The following SPAG1 variants were observed in gnomAD, a reference collection of about 807,000 sequenced individuals.
SPAG1 encodes the protein sperm associated antigen 1, also known as sperm-associated antigen 1.
A neutral mutation model predicts 100.5 loss-of-function variants in SPAG1; 69 were observed. The observed-to-expected ratio is 0.69, with a 90% CI of 0.57 to 0.84. The LOEUF is 0.84. Among genes scored for constraint, SPAG1 ranks in the 40% least tolerant of loss-of-function variants. SPAG1 has a pLI of 0.00. For synonymous variants in SPAG1, 336 were observed against 411.6 expected (o/e 0.82, Z 2.22); for missense variants, 955 against 1,133.1 (o/e 0.84, Z 2.26).
In SPAG1 at chr8:100,213,098, G is replaced by A. The variant is rs1180507896; in HGVS notation, c.1105G>A (p.Glu369Lys). ...EDGGGDKKPA[E>K]PAGAARAAQP... The stretch of plus-strand genomic sequence containing the variant: ...CATCCACTTCCTCACAGAGCCCGCG[G>A]AGCCGGCGGGAGCCGCGCGCGCCGC... Residue 369 changes from glutamate to lysine, a missense_variant, in exon 11 of 19, where the codon GAG becomes AAG. By Grantham distance (56) the Glu-to-Lys change is moderately conservative. Transcript: ENST00000388798. The A allele has an allele frequency of 1.4e-6, 2 of 1,474,716 alleles. No homozygotes were observed. Among genetic ancestry groups the A allele is most frequent in the East Asian group, 3.0e-5 (1 of 33,342 alleles). The allele number at this position is 1,474,716 out of a possible 1,614,324, so 91.4% of individuals were successfully genotyped here.
chr8:100,183,572 GA>G, intron 5 of SPAG1, 136 bp downstream of exon 5: 1 of 489,808 alleles, frequency 2.0e-6, no homozygotes, highest in East Asian at 3.5e-5. Flanking sequence ...AGAGTACTGA[GA>G]ATATCTGGCC....
At chr8:100,176,813 C>CCTCTCCT (rs1563775337) in intron 3 of SPAG1, among the ~76,000 whole-genome samples, 1 of 98,690 alleles carries the variant, frequency 1.0e-5, no homozygotes, top group East Asian at 2.5e-4. Flanking sequence ...ATTTCCCTCT[C>CCTCTCCT]CTCTCCTCTC....
chr8:100,228,149 C>A (rs906961838), intron 14 of SPAG1, among the ~76,000 whole-genome samples: 6 of 151,986 alleles, frequency 3.9e-5, no homozygotes, highest in African/African-American at 1.5e-4. Context: ...TATGTGAGAT[C>A]TTTTGAAACA....
At chr8:100,193,197 C>A (rs1471506762) in intron 9 of SPAG1, among the ~76,000 whole-genome samples, 3 of 152,198 alleles carry the variant, frequency 2.0e-5, no homozygotes, top group Non-Finnish European at 4.4e-5. Context: ...CGGTGGCTCA[C>A]ACCTGTAATC....
At position 100,165,978 on chromosome 8, in the gene SPAG1, A is replaced by T; in HGVS notation, c.300+5A>T. 1.3e-6 allele frequency: 2 copies of T among 1,599,748 alleles called. No individual in the cohort carries two copies. Among genetic ancestry groups the T allele is most frequent in the East Asian group, 2.2e-5 (1 of 44,708 alleles). ...AAAATTGATGGTGATATAAAGGTAT[A>T]TAGTAATACCAATTTTCCATAGATA... On this transcript the variant is annotated splice_donor_5th_base_variant and intron_variant, in intron 3 of 18. Transcript: ENST00000388798.
chr8:100,210,549 T>G (rs975822786), intron 10 of SPAG1, among the ~76,000 whole-genome samples: 1 of 152,230 alleles, frequency 6.6e-6, no homozygotes, highest in African/African-American at 2.4e-5. Context: ...TGAGGCAGTA[T>G]GCGCTCCTGT....
intron 16 of SPAG1, among the ~76,000 whole-genome samples, chr8:100,236,187 T>C (rs900691847): frequency 2.0e-5 from 3 of 152,220 alleles, no homozygotes; most frequent in Non-Finnish European, 2.9e-5. Flanking sequence ...TATATTATGA[T>C]GCAGAAAAAT....
chr8:100,162,967 A>T (rs999052011), intron 2 of SPAG1, among the ~76,000 whole-genome samples: 1 of 151,476 alleles, frequency 6.6e-6, no homozygotes, highest in African/African-American at 2.4e-5. Context: ...AAAAATAAAA[A>T]ATAATAATAA....
intron 10 of SPAG1, among the ~76,000 whole-genome samples, chr8:100,212,781 G>A (rs1433092868): frequency 6.6e-6 from 1 of 152,226 alleles, no homozygotes; most frequent in Non-Finnish European, 1.5e-5. Context: ...ACTTGATGAA[G>A]GGGATGGCTC....
chr8:100,240,941 G>C lies in SPAG1; in HGVS notation c.2700G>C (p.Leu900=). 1 of 1,611,694 alleles carries C rather than the reference G, an allele frequency of 6.2e-7. No individual in the cohort carries two copies. The highest frequency in any genetic ancestry group is 8.5e-7 in the Non-Finnish European group (1 of 1,179,480). ...GCCAAAAGGAGCTAATTGAACAGCT[G>C]TTTGAGGACCTTTCGGACACACCAA... ...SKGQKELIEQ[L]FEDLSDTPNN... The change falls in exon 19 of 19, where the codon CTG becomes CTC. Residue 900 remains leucine (L), a synonymous_variant. Transcript: ENST00000388798.
chr8:100,195,957 C>T (rs1347663236), intron 10 of SPAG1, among the ~76,000 whole-genome samples: 1 of 152,276 alleles, frequency 6.6e-6, no homozygotes, highest in Admixed American at 6.5e-5. Context: ...TCCAGAATGT[C>T]CTATAAATGG....
At chr8:100,231,953 C>T (rs1350816890) in intron 15 of SPAG1, among the ~76,000 whole-genome samples, 3 of 141,196 alleles carry the variant, frequency 2.1e-5, no homozygotes, top group African/African-American at 8.7e-5. Context: ...AAGAGCAAGA[C>T]TCTGTCTCAA....
At chr8:100,168,539 GTGTACCACCAC>G (rs1815664411) in intron 3 of SPAG1, among the ~76,000 whole-genome samples, 3 of 150,510 alleles carry the variant, frequency 2.0e-5, no homozygotes, top group Admixed American at 2.0e-4. Flanking sequence ...GACCACAGGT[GTGTACCACCAC>G]ACCTGGCTAT....
At chr8:100,240,864 G>GTTTT in intron 18 of SPAG1, 27 bp from the exon 19 acceptor site, 9 of 1,388,294 alleles carry the variant, frequency 6.5e-6, no homozygotes, top group African/African-American at 1.7e-5. Context: ...TTGGTTTTTT[G>GTTTT]TTTTTTTTTT....
chr8:100,202,697 G>C (rs1362629727), intron 10 of SPAG1, among the ~76,000 whole-genome samples: 2 of 109,918 alleles, frequency 1.8e-5, no homozygotes, highest in Non-Finnish European at 3.4e-5. Flanking sequence ...GCGACAGAGC[G>C]AGACTCCGTC....
At chr8:100,224,926 A>T (rs887980709) in intron 13 of SPAG1, among the ~76,000 whole-genome samples, 4 of 152,206 alleles carry the variant, frequency 2.6e-5, no homozygotes, top group Non-Finnish European at 4.4e-5. Context: ...ATATGTTAAA[A>T]TTTTTTAACA....
In SPAG1 at chr8:100,241,240, A is replaced by G. The variant is rs1174503475; in HGVS notation, c.*218A>G. On this transcript the variant is annotated 3_prime_UTR_variant, in exon 19 of 19. Coordinates refer to ENST00000388798, the MANE Select transcript of SPAG1 (RefSeq NM_003114.5). This position sits in a 1 kb window ranked among gnomAD's most constrained non-coding sequence, Gnocchi z 5.1. The stretch of plus-strand genomic sequence containing the variant: ...TCTTATGTACCAGAACCAAATAAGT[A>G]TATTTAGAACTTGTTAAAAATACAT... 8.3e-6 allele frequency: 3 copies of G among 362,628 alleles called. No individual in the cohort carries two copies. Among genetic ancestry groups the G allele is most frequent in the African/African-American group, 6.3e-5 (3 of 47,792 alleles). The allele number at this position is 362,628 out of a possible 1,614,324, so 22.5% of individuals were successfully genotyped here.
intron 10 of SPAG1, among the ~76,000 whole-genome samples, chr8:100,198,669 T>C (rs1023323811): frequency 2.6e-5 from 4 of 152,222 alleles, no homozygotes; most frequent in African/African-American, 9.6e-5. Context: ...ATCCATCCTT[T>C]TCAAATTCAG....
chr8:100,231,086 T>G (rs1818746529), intron 14 of SPAG1, 70 bp from the exon 15 acceptor site: 3 of 1,374,760 alleles, frequency 2.2e-6, no homozygotes, highest in Non-Finnish European at 2.9e-6. Flanking sequence ...GATTTACTTA[T>G]AGTTGTACTT....
Sources: gnomAD v4.1 joint callset for allele counts (sites outside exome capture counted in the v4.1 genomes callset) on GRCh38, gnomAD v4.1.1 for gene constraint, Gnocchi (gnomAD v3.1) non-coding constraint, MANE v1.5 for transcripts, NCBI Gene and HGNC (gene_info 2026-07-23, HGNC 2026-07-21) for gene names.